The following MAP3K2 variants were observed in gnomAD, a reference collection of about 807,000 sequenced individuals.
MAP3K2 encodes the protein MAP/ERK kinase kinase 2.
MAP3K2 carries 24 observed loss-of-function variants against 80.3 expected under a neutral mutation model. The ratio of observed to expected loss-of-function variants is 0.30; its 90% CI spans 0.22 to 0.42. MAP3K2 has a LOEUF of 0.42. MAP3K2 is among the 10% of genes least tolerant of loss of function. The pLI is 1.00. For synonymous variants in MAP3K2, 244 were observed against 253.7 expected, an observed-to-expected ratio of 0.96 and a Z score of 0.36; for missense variants, 608 against 750.1, an observed-to-expected ratio of 0.81 and a Z score of 2.21.
At chr2:127,366,822 C>T (rs1170700245) in intron 1 of MAP3K2, among the ~76,000 whole-genome samples, 2 of 145,428 alleles carry the variant, frequency 1.4e-5, no homozygotes, top group East Asian at 4.1e-4. Flanking sequence ...AGGCTCAATG[C>T]TTACTATTCT....
chr2:127,335,899 A>G lies in MAP3K2; in HGVS notation c.235T>C (p.Ser79Pro), dbSNP rs1686359934. The G allele has an allele frequency of 6.4e-7, 1 of 1,571,604 alleles. No individual in the cohort carries two copies. The highest frequency in any genetic ancestry group is 1.8e-5 in the Admixed American group (1 of 54,388). The change falls in exon 5 of 17, where the codon TCT becomes CCT. Residue 79 changes from serine (S) to proline (P), a missense_variant. Ser to Pro is a moderately conservative substitution (Grantham distance 74). Coordinates refer to ENST00000682094, the MANE Select transcript of MAP3K2 (RefSeq NM_001371910.2). Reference sequence around the variant, plus strand: ...TTATTGGTATAATGTAGATCCATAGACTGTCCAAAGGCAATTTTAGCTTTA... The same window carrying G: ...TTATTGGTATAATGTAGATCCATAGGCTGTCCAAAGGCAATTTTAGCTTTA... ...RSKAKIAFGQ[S>P]MDLHYTNNEL...
chr2:127,335,195 T>C (rs1686341710), intron 5 of MAP3K2, among the ~76,000 whole-genome samples: 1 of 152,210 alleles, frequency 6.6e-6, no homozygotes, highest in South Asian at 2.1e-4. Context: ...TATAGCATTA[T>C]GCCTGAAAAA....
At chr2:127,361,766 T>C (rs776994431) in intron 1 of MAP3K2, among the ~76,000 whole-genome samples, 11 of 152,234 alleles carry the variant, frequency 7.2e-5, no homozygotes, top group Non-Finnish European at 1.5e-4. Context: ...TAATATTTCC[T>C]TAGGACACAA....
chr2:127,342,919 C>G (rs76518682), intron 2 of MAP3K2, among the ~76,000 whole-genome samples: 3 of 152,098 alleles, frequency 2.0e-5, no homozygotes, highest in African/African-American at 7.2e-5. Context: ...CCTGCTGTTA[C>G]GCATAAAATG....
intron 15 of MAP3K2, among the ~76,000 whole-genome samples, chr2:127,313,750 T>C (rs1026574146): frequency 6.6e-6 from 1 of 152,218 alleles, no homozygotes; most frequent in African/African-American, 2.4e-5. Flanking sequence ...CTAAATGGTA[T>C]AGCCTACTAC....
chr2:127,388,067 C>T (rs1397461025), upstream of MAP3K2: 2 of 983,804 alleles, frequency 2.0e-6, no homozygotes, highest in South Asian at 4.7e-5. Flanking sequence ...GGGCGCGCGC[C>T]CGGCCCAGGG....
chr2:127,304,723 T>G lies in MAP3K2; in HGVS notation c.*2856A>C, dbSNP rs1435408201. ...AAAAAACGGAGTGTTATATTTAACT[T>G]CCCCTGATAAAGCTGTTTCCTTTCA... On this transcript the variant is annotated 3_prime_UTR_variant, in exon 17 of 17. Transcript: ENST00000682094. The G allele has an allele frequency of 2.0e-5, 3 of 152,592 alleles. No homozygotes were observed. The highest frequency in any genetic ancestry group is 2.9e-5 in the Non-Finnish European group (2 of 68,012). 9.5% of individuals were successfully genotyped at this position (152,592 alleles called of 1,614,324 possible).
rs1685663102 is a variant in MAP3K2 at position 127,304,695 on chromosome 2, A to C, written c.*2884T>G. ...TTGATCCATATCATTATTAGAAAGA[A>C]GAAAAAAACGGAGTGTTATATTTAA... On this transcript the variant is annotated 3_prime_UTR_variant, in exon 17 of 17. Transcript: ENST00000682094. 1.3e-5 allele frequency: 2 copies of C among 152,638 alleles called. No individual in the cohort carries two copies. Among genetic ancestry groups the C allele is most frequent in the Admixed American group, 1.3e-4 (2 of 15,260 alleles). 9.5% of individuals were successfully genotyped at this position (152,638 alleles called of 1,614,324 possible).
At chr2:127,318,885 C>A (rs1685958102) in intron 12 of MAP3K2, among the ~76,000 whole-genome samples, 1 of 152,138 alleles carries the variant, frequency 6.6e-6, no homozygotes, top group Non-Finnish European at 1.5e-5. Context: ...AAAGCACAGA[C>A]AAAGACCCAC....
At chr2:127,375,787 C>G (rs1687141916) in intron 1 of MAP3K2, among the ~76,000 whole-genome samples, 1 of 152,112 alleles carries the variant, frequency 6.6e-6, no homozygotes, top group Non-Finnish European at 1.5e-5. Flanking sequence ...CCCGACCTTC[C>G]CAGCTTCTAA....
At chr2:127,341,531 T>TG (rs1491519344) in intron 2 of MAP3K2, among the ~76,000 whole-genome samples, 3 of 18,414 alleles carry the variant, frequency 1.6e-4, no homozygotes, top group Non-Finnish European at 3.8e-4. Context: ...TTTTTTGTTG[T>TG]TTTTTTTTTT....
At chr2:127,309,752 G>A (rs1277574703) in intron 15 of MAP3K2, among the ~76,000 whole-genome samples, 6 of 152,100 alleles carry the variant, frequency 3.9e-5, no homozygotes, top group South Asian at 2.1e-4. Context: ...TTCTCATAAC[G>A]GGGGTTGTAA....
chr2:127,350,919 A>G (rs1686681871), intron 1 of MAP3K2, among the ~76,000 whole-genome samples: 1 of 152,176 alleles, frequency 6.6e-6, no homozygotes, highest in Admixed American at 6.5e-5. Context: ...CCAACTGGTA[A>G]GGTAACACTG....
At chr2:127,327,397 T>C (rs1212986225) in intron 7 of MAP3K2, among the ~76,000 whole-genome samples, 3 of 152,186 alleles carry the variant, frequency 2.0e-5, no homozygotes, top group Non-Finnish European at 4.4e-5. Flanking sequence ...AAGAGAGTAC[T>C]GTCTACACTT....
intron 14 of MAP3K2, among the ~76,000 whole-genome samples, chr2:127,315,317 C>T (rs1317914624): frequency 1.3e-5 from 2 of 152,258 alleles, no homozygotes; most frequent in East Asian, 3.9e-4. Context: ...TTAATAATCC[C>T]TTTAAAAGAC....
At chr2:127,381,659 G>T (rs1687247443) in intron 1 of MAP3K2, among the ~76,000 whole-genome samples, 1 of 152,170 alleles carries the variant, frequency 6.6e-6, no homozygotes, top group African/African-American at 2.4e-5. Flanking sequence ...AATTTATCAT[G>T]CCACAGATTA....
Position 127,330,001 on chromosome 2 carries a change from T to C in MAP3K2, c.386A>G (p.Asn129Ser), listed in dbSNP as rs762258910. The change falls in exon 7 of 17, where the codon AAT (asparagine) becomes AGT (serine). Residue 129 changes from asparagine to serine, a missense_variant. Transcript: ENST00000682094. Reference protein sequence around the residue: ...LVINGSTQATNLEPLPSLEDL... With the variant: ...LVINGSTQATSLEPLPSLEDL... ...TTCTAGTGATGGCAATGGTTCTAAA[T>C]TAGTAGCCTACAAAGGAGAAAAGAC... 3 of 1,599,408 alleles carry C rather than the reference T, an allele frequency of 1.9e-6. No individual in the cohort carries two copies. The African/African-American group carries it at 4.0e-5, about 21-fold the overall frequency.
intron 8 of MAP3K2, among the ~76,000 whole-genome samples, chr2:127,326,338 AGTTC>A (rs1686141047): frequency 6.6e-6 from 1 of 151,786 alleles, no homozygotes; most frequent in Non-Finnish European, 1.5e-5. Flanking sequence ...TGTTTCAGAA[AGTTC>A]ACAAACCTCA....
chr2:127,346,668 T>A (rs905456905), intron 1 of MAP3K2, among the ~76,000 whole-genome samples: 2 of 152,114 alleles, frequency 1.3e-5, no homozygotes, highest in African/African-American at 4.8e-5. Context: ...ATCCAATCAA[T>A]GTAAAAAACC....
Sources: allele counts gnomAD v4.1 joint callset (sites outside exome capture counted in the v4.1 genomes callset), GRCh38; gene constraint gnomAD v4.1.1; transcripts MANE v1.5; gene names NCBI Gene and HGNC (gene_info 2026-07-23, HGNC 2026-07-21).